The following PTPRD variants were observed in gnomAD, a reference collection of about 807,000 sequenced individuals.
The protein encoded by PTPRD is protein tyrosine phosphatase receptor type D, also known as receptor-type tyrosine-protein phosphatase delta.
Under a neutral mutation model 214.5 loss-of-function variants are expected in PTPRD, and 34 were observed. That is an observed-to-expected ratio of 0.16 (90% CI 0.12 to 0.21). PTPRD has a LOEUF of 0.21. Ranked by LOEUF, PTPRD falls within the 10% of genes least tolerant of loss-of-function variation. PTPRD has a pLI of 1.00. For missense variants in PTPRD, 2,545 were observed against 2,398.7 expected, an observed-to-expected ratio of 1.06 and a Z score of -1.27; for synonymous variants, 1,128 against 845.7, an observed-to-expected ratio of 1.33 and a Z score of -5.79.
intron 4 of PTPRD, among the ~76,000 whole-genome samples, chr9:9,986,922 ACT>A (rs1440740783): frequency 1.3e-5 from 2 of 151,754 alleles, no homozygotes; most frequent in Admixed American, 1.3e-4. Context: ...ATTAAAAGAT[ACT>A]CTCTAGAATT....
chr9:10,157,433 T>C (rs2099100323), intron 3 of PTPRD, among the ~76,000 whole-genome samples: 1 of 152,206 alleles, frequency 6.6e-6, no homozygotes, highest in South Asian at 2.1e-4. Context: ...TGAATTTCTT[T>C]TCCTTAAGAA....
chr9:9,590,694 G>C (rs2092635904), intron 7 of PTPRD, among the ~76,000 whole-genome samples: 2 of 151,806 alleles, frequency 1.3e-5, no homozygotes, highest in Non-Finnish European at 2.9e-5. Context: ...AAGAGCATGA[G>C]CTTGAACCAT....
At chr9:10,338,504 C>A (rs985248759) in intron 3 of PTPRD, among the ~76,000 whole-genome samples, 40 of 151,690 alleles carry the variant, frequency 2.6e-4, no homozygotes, top group African/African-American at 9.2e-4. Context: ...CAGTGTTCAT[C>A]CCAAAACCCC....
intron 8 of PTPRD, among the ~76,000 whole-genome samples, chr9:9,517,706 C>A (rs778718071): frequency 6.6e-6 from 1 of 151,970 alleles, no homozygotes; most frequent in Non-Finnish European, 1.5e-5. Flanking sequence ...ATCATTATTT[C>A]TTTTTCTCTT....
intron 14 of PTPRD, among the ~76,000 whole-genome samples, chr9:8,567,654 G>C (rs2089786311): frequency 6.6e-6 from 1 of 152,154 alleles, no homozygotes. Context: ...TCTAGACTGT[G>C]TGCTCTTTGA....
chr9:9,609,598 G>A (rs2094404578), intron 7 of PTPRD, among the ~76,000 whole-genome samples: 1 of 152,172 alleles, frequency 6.6e-6, no homozygotes, highest in Non-Finnish European at 1.5e-5. Flanking sequence ...GAGTAGCTGG[G>A]ATTACAGATG....
chr9:9,611,262 A>G (rs949584393), intron 7 of PTPRD, among the ~76,000 whole-genome samples: 3 of 152,226 alleles, frequency 2.0e-5, no homozygotes, highest in African/African-American at 4.8e-5. Context: ...AAATAACAGA[A>G]TTGGAAAATC....
chr9:9,005,643 G>C (rs537652340), intron 11 of PTPRD, among the ~76,000 whole-genome samples: 22 of 152,162 alleles, frequency 1.4e-4, no homozygotes, highest in Admixed American at 1.2e-3. Flanking sequence ...TTCAGCTGTA[G>C]AGGATGATGA....
chr9:9,489,728 G>A (rs1368751766), intron 8 of PTPRD, among the ~76,000 whole-genome samples: 3 of 152,078 alleles, frequency 2.0e-5, no homozygotes, highest in Non-Finnish European at 2.9e-5. Flanking sequence ...AAATTAGAAA[G>A]GGAAAAGACT....
chr9:9,249,283 C>T (rs537360978), intron 9 of PTPRD, among the ~76,000 whole-genome samples: 2 of 152,094 alleles, frequency 1.3e-5, no homozygotes, highest in East Asian at 3.9e-4. Flanking sequence ...TAAAGGCTAC[C>T]TGAGGGCTCA....
At chr9:10,272,435 A>G (rs920133762) in intron 3 of PTPRD, among the ~76,000 whole-genome samples, 3 of 152,192 alleles carry the variant, frequency 2.0e-5, no homozygotes, top group African/African-American at 7.2e-5. Context: ...TGGGGTGGAC[A>G]TATGTGTTCA....
At chr9:9,621,790 C>G (rs2095250047) in intron 7 of PTPRD, among the ~76,000 whole-genome samples, 1 of 152,184 alleles carries the variant, frequency 6.6e-6, no homozygotes, top group East Asian at 1.9e-4. Flanking sequence ...GCCGGCAGCT[C>G]TGTGTGGATA....
chr9:8,705,800 G>A (rs987878081), intron 12 of PTPRD, among the ~76,000 whole-genome samples: 12 of 152,064 alleles, frequency 7.9e-5, no homozygotes, highest in African/African-American at 2.4e-4. Context: ...ATAATCTACT[G>A]CTGATATAGT....
intron 11 of PTPRD, among the ~76,000 whole-genome samples, chr9:8,760,374 T>C (rs1055835642): frequency 2.0e-5 from 3 of 152,230 alleles, no homozygotes; most frequent in African/African-American, 7.2e-5. Flanking sequence ...TTTGGTTTCT[T>C]ATTTCACTTA....
intron 16 of PTPRD, among the ~76,000 whole-genome samples, chr9:8,527,126 C>G (rs1564081021): frequency 1.3e-5 from 2 of 150,836 alleles, no homozygotes; most frequent in Non-Finnish European, 3.0e-5. Flanking sequence ...ACTTGCTATG[C>G]TACATTGGTG....
chr9:10,422,907 A>C (rs1028243416), intron 2 of PTPRD, among the ~76,000 whole-genome samples: 1 of 152,050 alleles, frequency 6.6e-6, no homozygotes, highest in African/African-American at 2.4e-5. Context: ...CGATTCCTCA[A>C]GGATCTAGAA....
intron 7 of PTPRD, among the ~76,000 whole-genome samples, chr9:9,584,831 C>T (rs145301136): frequency 3.1e-4 from 47 of 152,024 alleles, no homozygotes; most frequent in African/African-American, 9.9e-4. Context: ...GAACTTTGCC[C>T]TTGACCATCC....
chr9:10,038,501 C>G (rs1317302244), intron 3 of PTPRD, among the ~76,000 whole-genome samples: 1 of 152,044 alleles, frequency 6.6e-6, no homozygotes, highest in African/African-American at 2.4e-5. Flanking sequence ...TATAATGTAT[C>G]TTACACTTCT....
intron 10 of PTPRD, among the ~76,000 whole-genome samples, chr9:9,055,278 T>A (rs1347384249): frequency 6.6e-6 from 1 of 152,130 alleles, no homozygotes; most frequent in Non-Finnish European, 1.5e-5. Flanking sequence ...TCTTGAAAAA[T>A]ACTGAGAGTG....
Sources: gnomAD v4.1 joint callset for allele counts (sites outside exome capture counted in the v4.1 genomes callset) on GRCh38, gnomAD v4.1.1 for gene constraint, MANE v1.5 for transcripts, NCBI Gene and HGNC (gene_info 2026-07-23, HGNC 2026-07-21) for gene names.